ANO6: variants seen among roughly 807,000 people sequenced by gnomAD.
ANO6 encodes the protein anoctamin-6.
A neutral mutation model predicts 117.5 loss-of-function variants in ANO6; 106 were observed. The observed-to-expected ratio is 0.90, with a 90% CI of 0.77 to 1.06. The LOEUF (loss-of-function observed/expected upper bound fraction) is 1.06, where lower values mean the gene tolerates loss of function less well. Among genes scored for constraint, ANO6 ranks in the 50% least tolerant of loss-of-function variants. ANO6 has a pLI of 0.00. For synonymous variants in ANO6, 367 were observed against 385.1 expected, an observed-to-expected ratio of 0.95 and a Z score of 0.55; for missense variants, 955 against 1,121.1, an observed-to-expected ratio of 0.85 and a Z score of 2.12.
At chr12:45,225,975 C>G (rs1947477002) in intron 1 of ANO6, among the ~76,000 whole-genome samples, 1 of 152,056 alleles carries the variant, frequency 6.6e-6, no homozygotes, top group Non-Finnish European at 1.5e-5. Context: ...TTTATTCAGC[C>G]AAATGATTGT....
intron 19 of ANO6, among the ~76,000 whole-genome samples, chr12:45,428,206 TGCC>T (rs1565776404): frequency 1.3e-5 from 2 of 152,210 alleles, no homozygotes; most frequent in African/African-American, 4.8e-5. Flanking sequence ...ACAACCTCAA[TGCC>T]TGTTCATAGG....
chr12:45,434,110 A>G (rs539170201), downstream of ANO6, among the ~76,000 whole-genome samples: 2 of 152,316 alleles, frequency 1.3e-5, no homozygotes, highest in African/African-American at 4.8e-5. Flanking sequence ...TTCATTTCTC[A>G]TAATTTCACC....
intron 8 of ANO6, among the ~76,000 whole-genome samples, chr12:45,360,594 A>G (rs1941530095): frequency 6.6e-6 from 1 of 152,214 alleles, no homozygotes; most frequent in Non-Finnish European, 1.5e-5. Context: ...ATCCTTTGAA[A>G]CAAAATTATT....
At position 45,409,326 on chromosome 12, in the gene ANO6, G is replaced by A. The variant is rs61925708; in HGVS notation, c.1881-31G>A. On this transcript the variant is annotated intron_variant, in intron 15 of 19. Transcript: ENST00000320560. Reference sequence around the variant, plus strand: ...TTATGACCTTGGCCTGATAATATTCGTTCTAATTTATAAATTGTTCTTTTT... The same window carrying A: ...TTATGACCTTGGCCTGATAATATTCATTCTAATTTATAAATTGTTCTTTTT... The A allele has an allele frequency of 0.11, 171,287 of 1,611,396 alleles. 9,989 individuals carry two copies. Among genetic ancestry groups the A allele is most frequent in the Non-Finnish European group, 0.12 (143,159 of 1,178,070 alleles).
chr12:45,309,260 T>C (rs1276760252), intron 2 of ANO6, among the ~76,000 whole-genome samples: 2 of 151,972 alleles, frequency 1.3e-5, no homozygotes, highest in Non-Finnish European at 2.9e-5. Context: ...GGACACACAT[T>C]GGAGAGGAAC....
chr12:45,222,185 C>T (rs565064874), intron 1 of ANO6, among the ~76,000 whole-genome samples: 7 of 142,504 alleles, frequency 4.9e-5, no homozygotes, highest in Non-Finnish European at 7.7e-5. Context: ...CCGGCCCCCC[C>T]ACTCCAGCTC....
intron 1 of ANO6, among the ~76,000 whole-genome samples, chr12:45,274,472 G>A (rs147928174): frequency 1.6e-4 from 25 of 152,128 alleles, no homozygotes; most frequent in African/African-American, 5.8e-4. Context: ...TCAAATTCAA[G>A]CACCCAACAT....
rs77828777 is a variant in ANO6 at position 45,333,768 on chromosome 12, T to C, written c.279+2345T>C. 6.9e-3 allele frequency among the ~76,000 whole-genome samples: 1,045 copies of C among 152,180 alleles called. 9 individuals carry two copies. Among genetic ancestry groups the C allele is most frequent in the African/African-American group, 0.024 (994 of 41,546 alleles). ...AACTTTGGAATCATGTTTTTCTTCA[T>C]TGGAAAAACATTTGTGAGTTCCATT... On this transcript the variant is annotated intron_variant, in intron 3 of 19. Transcript: ENST00000320560.
intron 1 of ANO6, among the ~76,000 whole-genome samples, chr12:45,239,246 A>C (rs1327453060): frequency 6.6e-6 from 1 of 152,174 alleles, no homozygotes; most frequent in Non-Finnish European, 1.5e-5. Context: ...CAGAGATTCA[A>C]CTTATTCCTG....
chr12:45,285,741 A>AT (rs1938891823), intron 1 of ANO6, among the ~76,000 whole-genome samples: 1 of 151,688 alleles, frequency 6.6e-6, no homozygotes. Context: ...AAAAAAAAAA[A>AT]GAAAAAGAAA....
chr12:45,279,622 A>G (rs912189867), intron 1 of ANO6, among the ~76,000 whole-genome samples: 1 of 152,360 alleles, frequency 6.6e-6, no homozygotes, highest in East Asian at 1.9e-4. Context: ...AGTACGTGGA[A>G]AGCCCCTGGG....
chr12:45,267,409 C>T (rs1938254589), intron 1 of ANO6, among the ~76,000 whole-genome samples: 1 of 152,156 alleles, frequency 6.6e-6, no homozygotes, highest in South Asian at 2.1e-4. Context: ...CTGTCTTTTC[C>T]AAATCCAGTC....
intron 19 of ANO6, among the ~76,000 whole-genome samples, chr12:45,423,841 A>G (rs993083887): frequency 1.3e-5 from 2 of 152,212 alleles, no homozygotes; most frequent in African/African-American, 4.8e-5. Flanking sequence ...TCAGGAAAGA[A>G]TGCTTTGCCA....
intron 15 of ANO6, among the ~76,000 whole-genome samples, chr12:45,405,959 A>G (rs1047962888): frequency 6.6e-6 from 1 of 151,576 alleles, no homozygotes; most frequent in Non-Finnish European, 1.5e-5. Context: ...AACTATACCC[A>G]CCCCCCAAAA....
chr12:45,421,956 T>G (rs990357435), intron 18 of ANO6, among the ~76,000 whole-genome samples: 13 of 152,160 alleles, frequency 8.5e-5, no homozygotes, highest in African/African-American at 2.7e-4. Context: ...TTAAAGTTTA[T>G]TTAGTCCAAC....
chr12:45,348,491 G>T, intron 5 of ANO6, 27 bp from the exon 6 acceptor site: 1 of 1,575,696 alleles, frequency 6.3e-7, no homozygotes, highest in Non-Finnish European at 8.7e-7. Flanking sequence ...TATATAAACC[G>T]CATACTCTAT....
chr12:45,220,978 G>C (rs1477814090), intron 1 of ANO6, among the ~76,000 whole-genome samples: 2 of 152,126 alleles, frequency 1.3e-5, no homozygotes, highest in African/African-American at 4.8e-5. Flanking sequence ...CCCAAAGAGG[G>C]TGTTGCAAGA....
chr12:45,424,332 T>G (rs1565773211), intron 19 of ANO6, among the ~76,000 whole-genome samples: 3 of 111,556 alleles, frequency 2.7e-5, no homozygotes, highest in South Asian at 7.3e-4. Flanking sequence ...GATGGGTTTT[T>G]TTTTTTTTTT....
At chr12:45,301,918 A>G in intron 1 of ANO6, 96 bp from the exon 2 acceptor site, 1 of 1,002,920 alleles carries the variant, frequency 1.0e-6, no homozygotes. Flanking sequence ...TGTGCTACCA[A>G]TGTTAATAAC....
Sources: allele counts gnomAD v4.1 joint callset (sites outside exome capture counted in the v4.1 genomes callset), GRCh38; gene constraint gnomAD v4.1.1; transcripts MANE v1.5; gene names NCBI Gene and HGNC (gene_info 2026-07-23, HGNC 2026-07-21).